The following SIPA1L2 variants were observed in gnomAD, a reference collection of about 807,000 sequenced individuals.
SIPA1L2 encodes the protein signal-induced proliferation-associated 1-like protein 2.
SIPA1L2 carries 56 observed loss-of-function variants against 163.9 expected under a neutral mutation model. The observed-to-expected ratio is 0.34, with a 90% CI of 0.28 to 0.43. SIPA1L2 has a LOEUF of 0.43. SIPA1L2 is among the 20% of genes least tolerant of loss of function. The pLI, the probability that SIPA1L2 is intolerant of heterozygous loss-of-function variation, is 1.00. For synonymous variants in SIPA1L2, 877 were observed against 865.7 expected (o/e 1.01, Z -0.23); for missense variants, 1,974 against 2,193.5 (o/e 0.90, Z 2.00).
In SIPA1L2 at chr1:232,465,525, C is replaced by T. The variant is rs1283413977; in HGVS notation, c.2244-109G>A. The T allele has an allele frequency of 1.0e-5, 9 of 870,834 alleles. No homozygotes were observed. The highest frequency in any genetic ancestry group is 7.0e-5 in the South Asian group (4 of 57,264). 53.9% of individuals were successfully genotyped at this position (870,834 alleles called of 1,614,324 possible). On this transcript the variant is annotated intron_variant, in intron 8 of 22. Coordinates refer to ENST00000674635, the MANE Select transcript of SIPA1L2 (RefSeq NM_020808.5). This position sits in a 1 kb window ranked among gnomAD's most constrained non-coding sequence, Gnocchi z 4.1. ...ACACACACACATATACATACACACA[C>T]ACACACACATATACATACACACATA... is the stretch of plus-strand genomic sequence containing the variant.
intron 2 of SIPA1L2, among the ~76,000 whole-genome samples, chr1:232,536,045 G>A (rs1237851107): frequency 6.6e-6 from 1 of 152,176 alleles, no homozygotes; most frequent in African/African-American, 2.4e-5. Flanking sequence ...ACACTGCCTG[G>A]GAAGGCATAC....
At chr1:232,549,137 C>A (rs1239344320) in intron 2 of SIPA1L2, among the ~76,000 whole-genome samples, 2 of 152,196 alleles carry the variant, frequency 1.3e-5, no homozygotes, top group South Asian at 4.1e-4. Flanking sequence ...ACCCTGTCCT[C>A]CACACAACCC....
intron 15 of SIPA1L2, among the ~76,000 whole-genome samples, chr1:232,436,464 G>A (rs560447381): frequency 1.3e-5 from 2 of 152,146 alleles, no homozygotes; most frequent in Admixed American, 1.3e-4. Flanking sequence ...TGGTCACCCC[G>A]GTCAGTTCCT....
chr1:232,552,838 C>A (rs1488223758), intron 2 of SIPA1L2, among the ~76,000 whole-genome samples: 1 of 152,218 alleles, frequency 6.6e-6, no homozygotes, highest in Non-Finnish European at 1.5e-5. Flanking sequence ...ACCCCCTTCA[C>A]TGAATGTACA....
chr1:232,581,826 A>G (rs1660392961), intron 1 of SIPA1L2, among the ~76,000 whole-genome samples: 1 of 152,166 alleles, frequency 6.6e-6, no homozygotes, highest in Non-Finnish European at 1.5e-5. Flanking sequence ...CAAAATAAAC[A>G]GCATCCTTTG....
intron 3 of SIPA1L2, among the ~76,000 whole-genome samples, chr1:232,502,934 C>T (rs543797318): frequency 6.6e-6 from 1 of 152,298 alleles, no homozygotes; most frequent in Admixed American, 6.5e-5. Context: ...AATAGTTGCC[C>T]TTTTCAAATG....
At chr1:232,459,262 G>A (rs1413803582) in intron 10 of SIPA1L2, among the ~76,000 whole-genome samples, 1 of 152,172 alleles carries the variant, frequency 6.6e-6, no homozygotes, top group Non-Finnish European at 1.5e-5. Context: ...TTCCTAAGTT[G>A]CACTACAGTT....
chr1:232,403,699 G>C, intron 20 of SIPA1L2, 128 bp from the exon 21 acceptor site: 1 of 1,272,226 alleles, frequency 7.9e-7, no homozygotes, highest in Non-Finnish European at 1.1e-6. Flanking sequence ...CCTTGTTTTG[G>C]AGCAAAACAA....
Position 232,515,488 on chromosome 1 carries a change from C to T in SIPA1L2, c.-149G>A, listed in dbSNP as rs113011661. 1.0e-5 allele frequency: 8 copies of T among 772,790 alleles called. No individual in the cohort carries two copies. Among genetic ancestry groups the T allele is most frequent in the African/African-American group, 7.0e-5 (4 of 57,382 alleles). 47.9% of individuals were successfully genotyped at this position (772,790 alleles called of 1,614,324 possible). On this transcript the variant is annotated 5_prime_UTR_variant, in exon 3 of 23. Transcript: ENST00000674635. ...TTCTTAGCCCAAAGCAAACAACATC[C>T]TCAGAATACAGTTTCTTCAAAGCCA...
chr1:232,607,607 C>T (rs1253806360), intron 1 of SIPA1L2, among the ~76,000 whole-genome samples: 3 of 152,128 alleles, frequency 2.0e-5, no homozygotes, highest in South Asian at 4.1e-4. Context: ...TCAGCATTAA[C>T]GAAAACTGTC....
At chr1:232,407,907 C>T (rs1572851870) in intron 19 of SIPA1L2, among the ~76,000 whole-genome samples, 1 of 152,172 alleles carries the variant, frequency 6.6e-6, no homozygotes, top group East Asian at 1.9e-4. Flanking sequence ...CTCCACTTCC[C>T]TTCCCCAGCT....
Position 232,514,374 on chromosome 1 carries a change from A to T in SIPA1L2, c.966T>A (p.Pro322=). Residue 322 remains proline (P), a synonymous_variant, in exon 3 of 23, where the codon CCT becomes CCA. Transcript: ENST00000674635. ...GTGCAAAACATCGCTGACAATTCCA[A>T]GGGCGAATGCCCCTCTCCAGTCGGC... is the stretch of plus-strand genomic sequence containing the variant. ...EESRLERGIR[P]WNCQRCFAHY... The T allele has an allele frequency of 6.2e-7, 1 of 1,613,766 alleles. No individual in the cohort carries two copies. The highest frequency in any genetic ancestry group is 1.1e-5 in the South Asian group (1 of 91,082).
intron 10 of SIPA1L2, among the ~76,000 whole-genome samples, chr1:232,447,351 C>T (rs1265976104): frequency 6.6e-6 from 1 of 152,216 alleles, no homozygotes; most frequent in Non-Finnish European, 1.5e-5. Context: ...CTATCTACCC[C>T]CAGCTGGCTG....
intron 1 of SIPA1L2, among the ~76,000 whole-genome samples, chr1:232,601,323 T>C (rs1661584896): frequency 1.3e-5 from 2 of 152,216 alleles, no homozygotes; most frequent in African/African-American, 2.4e-5. Context: ...GCAATCCTCC[T>C]ACAGAATCAA....
At chr1:232,570,543 G>A (rs971656190) in intron 2 of SIPA1L2, among the ~76,000 whole-genome samples, 1 of 152,186 alleles carries the variant, frequency 6.6e-6, no homozygotes, top group Non-Finnish European at 1.5e-5. Context: ...CAACAGATAT[G>A]TTGTACAGAT....
At chr1:232,608,092 G>T (rs1177171062) in intron 1 of SIPA1L2, among the ~76,000 whole-genome samples, 1 of 146,480 alleles carries the variant, frequency 6.8e-6, no homozygotes, top group African/African-American at 2.6e-5. Flanking sequence ...TGTCACCCAG[G>T]TTGGAGTGCA....
At chr1:232,541,854 TAAAAAAAAA>T (rs10585668) in intron 2 of SIPA1L2, among the ~76,000 whole-genome samples, 29,041 of 135,710 alleles carry the variant, frequency 0.21, 3,148 homozygotes, top group East Asian at 0.35. Context: ...CCTACAGATT[TAAAAAAAAA>T]AAAAAAAAAA....
chr1:232,483,964 C>A lies in SIPA1L2; in HGVS notation c.1809G>T (p.Leu603=). ...EQLLKLDEQG[L]SFQHKIGILY... The stretch of plus-strand genomic sequence containing the variant: ...GGATCCCGATCTTGTGCTGAAAGCT[C>A]AGCTGAAATGGGGGAGAAATATAAT... The change falls in exon 6 of 23, where the codon CTG becomes CTT. Residue 603 remains leucine (L), a splice_region_variant and synonymous_variant. Coordinates refer to ENST00000674635, the MANE Select transcript of SIPA1L2 (RefSeq NM_020808.5). 6.2e-7 allele frequency: 1 copy of A among 1,605,966 alleles called. No individual in the cohort carries two copies. The highest frequency in any genetic ancestry group is 8.5e-7 in the Non-Finnish European group (1 of 1,177,852).
chr1:232,539,641 C>A (rs1232186371), intron 2 of SIPA1L2, among the ~76,000 whole-genome samples: 1 of 152,162 alleles, frequency 6.6e-6, no homozygotes, highest in African/African-American at 2.4e-5. Flanking sequence ...AGAGCAAACA[C>A]AACTGACCTG....
Sources: allele counts gnomAD v4.1 joint callset (sites outside exome capture counted in the v4.1 genomes callset), GRCh38; gene constraint gnomAD v4.1.1; non-coding constraint Gnocchi (gnomAD v3.1); transcripts MANE v1.5; gene names NCBI Gene and HGNC (gene_info 2026-07-23, HGNC 2026-07-21).